ITIH5: variants seen among roughly 807,000 people sequenced by gnomAD.
The protein encoded by ITIH5 is inter-alpha-trypsin inhibitor heavy chain 5.
ITIH5 carries 65 observed loss-of-function variants against 77.5 expected under a neutral mutation model. That is an observed-to-expected ratio of 0.84 (90% confidence interval 0.69 to 1.03). The LOEUF (loss-of-function observed/expected upper bound fraction) is 1.03, where lower values mean the gene tolerates loss of function less well. Ranked by LOEUF, ITIH5 falls within the 50% of genes least tolerant of loss-of-function variation. ITIH5 has a pLI of 0.00. For synonymous variants in ITIH5, 525 were observed against 494.3 expected (o/e 1.06, Z -0.82); for missense variants, 1,208 against 1,213.1 (o/e 1.00, Z 0.06).
At chr10:7,612,307 T>C (rs927330940) in intron 7 of ITIH5, among the ~76,000 whole-genome samples, 1 of 152,206 alleles carries the variant, frequency 6.6e-6, no homozygotes, top group African/African-American at 2.4e-5. Context: ...AATTTAAATT[T>C]ATTAAAATTA....
intron 5 of ITIH5, among the ~76,000 whole-genome samples, chr10:7,623,858 C>T (rs1833515342): frequency 6.6e-6 from 1 of 150,740 alleles, no homozygotes; most frequent in African/African-American, 2.4e-5. Flanking sequence ...CCACAGTTTT[C>T]CTTTGGGAAA....
At chr10:7,641,387 C>T (rs1165364336) in intron 3 of ITIH5, among the ~76,000 whole-genome samples, 2 of 151,974 alleles carry the variant, frequency 1.3e-5, no homozygotes, top group African/African-American at 2.4e-5. Flanking sequence ...GTCTGAAATT[C>T]ATCTCATTTA....
At chr10:7,613,717 A>G (rs939656522) in intron 7 of ITIH5, among the ~76,000 whole-genome samples, 1 of 152,224 alleles carries the variant, frequency 6.6e-6, no homozygotes, top group Non-Finnish European at 1.5e-5. Flanking sequence ...AGGTGAGCTC[A>G]GCATTTGGGA....
At position 7,666,906 on chromosome 10, in the gene ITIH5, C is replaced by A. The variant is rs778126305; in HGVS notation, c.-14G>T. On this transcript the variant is annotated 5_prime_UTR_variant, in exon 1 of 14. Transcript: ENST00000397146. ...CAGCAGGAGCATGGCGGGGCGAGGG[C>A]GCGGGACGCTCGGGGACCCGGCGGG... 2.5e-6 allele frequency: 4 copies of A among 1,581,116 alleles called. No homozygotes were observed. The highest frequency in any genetic ancestry group is 3.4e-6 in the Non-Finnish European group (4 of 1,166,738).
At chr10:7,571,140 C>G (rs1832289049) in intron 11 of ITIH5, among the ~76,000 whole-genome samples, 1 of 152,180 alleles carries the variant, frequency 6.6e-6, no homozygotes, top group Non-Finnish European at 1.5e-5. Flanking sequence ...AGTGCCTCAA[C>G]TTCCCTGAAA....
chr10:7,620,618 T>C (rs149302442), intron 5 of ITIH5: 4 of 151,880 alleles, frequency 2.6e-5, no homozygotes, highest in Non-Finnish European at 5.9e-5. Context: ...TTTAAATTTA[T>C]TGTTAGCAAA....
At chr10:7,624,099 T>C (rs1833518087) in intron 5 of ITIH5, among the ~76,000 whole-genome samples, 1 of 152,214 alleles carries the variant, frequency 6.6e-6, no homozygotes, top group Non-Finnish European at 1.5e-5. Flanking sequence ...AAATAATAGA[T>C]TCCCAACTCT....
intron 5 of ITIH5, among the ~76,000 whole-genome samples, chr10:7,631,639 G>A (rs1215795262): frequency 6.6e-6 from 1 of 152,140 alleles, no homozygotes; most frequent in Non-Finnish European, 1.5e-5. Context: ...ATGGGAAGAG[G>A]TTGTTTCCAC....
rs764165044 is a variant in ITIH5 at position 7,617,133 on chromosome 10, G to C, written c.802C>G (p.Gln268Glu). The change falls in exon 6 of 14, where the codon CAG becomes GAG. Residue 268 changes from glutamine (Q) to glutamate (E), a missense_variant. Coordinates refer to ENST00000397146, the MANE Select transcript of ITIH5 (RefSeq NM_030569.7). ...ATTACCTGGATGTCCCCAATGCTCT[G>C]TTCTCTATTGACGTCATATCTAATG... Reference protein sequence around the residue: ...FIIRYDVNREQSIGDIQVLNG... With the variant: ...FIIRYDVNREESIGDIQVLNG... The C allele has an allele frequency of 1.3e-6, 2 of 1,584,570 alleles. No individual in the cohort carries two copies. The highest frequency in any genetic ancestry group is 2.7e-5 in the African/African-American group (2 of 73,042).
chr10:7,642,964 C>T (rs2131083376), intron 2 of ITIH5, among the ~76,000 whole-genome samples: 1 of 152,278 alleles, frequency 6.6e-6, no homozygotes, highest in Middle Eastern at 3.4e-3. Context: ...CCCTAACCTA[C>T]TATGGGAGGT....
chr10:7,600,650 C>T (rs1384123943), intron 7 of ITIH5: 1 of 452,686 alleles, frequency 2.2e-6, no homozygotes, highest in Non-Finnish European at 4.4e-6. Context: ...AAGAATTTGG[C>T]AAAGCCTAGG....
At chr10:7,629,311 TAGCGTGTGCC>T (rs1231370343) in intron 5 of ITIH5, among the ~76,000 whole-genome samples, 7 of 112,590 alleles carry the variant, frequency 6.2e-5, no homozygotes, top group African/African-American at 3.0e-4. Flanking sequence ...GTCCATGTTG[TAGCGTGTGCC>T]CATGTTGTAG....
intron 7 of ITIH5, among the ~76,000 whole-genome samples, chr10:7,597,786 A>G (rs938559978): frequency 6.6e-6 from 1 of 152,186 alleles, no homozygotes; most frequent in Non-Finnish European, 1.5e-5. Flanking sequence ...GTATTACAAG[A>G]TTACAAAAAC....
rs1333245183 is a variant in ITIH5 at position 7,637,333 on chromosome 10, C to T, written c.547G>A (p.Gly183Arg). Residue 183 changes from glycine (G) to arginine (R), a missense_variant, in exon 5 of 14, where the codon GGG (glycine) becomes AGG (arginine). Coordinates refer to ENST00000397146, the MANE Select transcript of ITIH5 (RefSeq NM_030569.7). The stretch of plus-strand genomic sequence containing the variant: ...ATATTCACGTCCACGCTCAGCCTCC[C>T]GGACAGCTGCTGGGGCCGCACGCTG... Reference protein sequence around the residue: ...SISVRPQQLSGRLSVDVNILE... With the variant: ...SISVRPQQLSRRLSVDVNILE... The T allele has an allele frequency of 1.9e-6, 3 of 1,614,086 alleles. No homozygotes were observed. Among genetic ancestry groups the T allele is most frequent in the East Asian group, 2.2e-5 (1 of 44,874 alleles).
At chr10:7,575,484 C>T (rs77377944) in intron 10 of ITIH5, among the ~76,000 whole-genome samples, 1,937 of 152,240 alleles carry the variant, frequency 0.013, 11 homozygotes, top group Non-Finnish European at 0.019. Flanking sequence ...TGACAGGAGC[C>T]CAGTAAAAAT....
At chr10:7,569,507 A>C (rs1026962192) in intron 12 of ITIH5, 161 bp downstream of exon 12, 1 of 466,194 alleles carries the variant, frequency 2.1e-6, no homozygotes, top group South Asian at 5.6e-5. Context: ...AGTCGGATGC[A>C]TAAGTCCAGG....
chr10:7,645,477 C>T (rs114794843), intron 2 of ITIH5, among the ~76,000 whole-genome samples: 3 of 152,262 alleles, frequency 2.0e-5, no homozygotes, highest in East Asian at 3.9e-4. Flanking sequence ...GTTTAACAAA[C>T]CCTTCAGGTC....
At chr10:7,613,056 C>T (rs1833283279) in intron 7 of ITIH5, among the ~76,000 whole-genome samples, 1 of 152,054 alleles carries the variant, frequency 6.6e-6, no homozygotes, top group South Asian at 2.1e-4. Flanking sequence ...ACCAGCCTGG[C>T]CAACATGGTG....
intron 7 of ITIH5, among the ~76,000 whole-genome samples, chr10:7,613,190 G>C (rs1833287287): frequency 6.6e-6 from 1 of 150,952 alleles, no homozygotes; most frequent in South Asian, 2.1e-4. Flanking sequence ...AGGCTGCAGT[G>C]AGCCGAGATC....
Sources: gnomAD v4.1 joint callset for allele counts (sites outside exome capture counted in the v4.1 genomes callset) on GRCh38, gnomAD v4.1.1 for gene constraint, MANE v1.5 for transcripts, NCBI Gene and HGNC (gene_info 2026-07-23, HGNC 2026-07-21) for gene names.